The following SLC24A2 variants were observed in gnomAD, a reference collection of about 807,000 sequenced individuals.
The protein encoded by SLC24A2 is solute carrier family 24 member 2, also known as sodium/potassium/calcium exchanger 2.
SLC24A2 carries 36 observed loss-of-function variants against 62.0 expected under a neutral mutation model. The observed-to-expected ratio is 0.58, with a 90% CI of 0.44 to 0.77. The LOEUF is 0.77. SLC24A2 is among the 30% of genes least tolerant of loss of function. The pLI is 0.00. For synonymous variants in SLC24A2, 358 were observed against 294.0 expected (o/e 1.22, Z -2.23); for missense variants, 846 against 817.9 (o/e 1.03, Z -0.42).
the SLC24A2 span, among the ~76,000 whole-genome samples, chr9:20,067,600 A>G: frequency 1.1e-4 from 17 of 151,918 alleles, no homozygotes; most frequent in African/African-American, 3.6e-4. Flanking sequence ...GGTGTACTCA[A>G]TGTTTAGCTC....
intron 2 of SLC24A2, among the ~76,000 whole-genome samples, chr9:19,740,404 A>G (rs1264461627): frequency 1.3e-5 from 2 of 152,250 alleles, no homozygotes; most frequent in Admixed American, 6.5e-5. Flanking sequence ...CAATAAAAAT[A>G]AAACTATGGC....
At chr9:20,199,429 G>A in the SLC24A2 span, among the ~76,000 whole-genome samples, 1 of 152,200 alleles carries the variant, frequency 6.6e-6, no homozygotes, top group Non-Finnish European at 1.5e-5. Flanking sequence ...AATAATATCA[G>A]ATGGACTTTG....
chr9:19,677,456 G>A (rs1034252810), intron 2 of SLC24A2, among the ~76,000 whole-genome samples: 5 of 152,272 alleles, frequency 3.3e-5, no homozygotes, highest in Admixed American at 2.0e-4. Context: ...AGGAGGTAGA[G>A]TATTAGGAAA....
the SLC24A2 span, among the ~76,000 whole-genome samples, chr9:19,879,889 C>G: frequency 2.0e-5 from 3 of 152,230 alleles, no homozygotes; most frequent in African/African-American, 4.8e-5. Flanking sequence ...TTGATCCCCT[C>G]ATTTTTAAAT....
chr9:20,227,535 TA>T, the SLC24A2 span, among the ~76,000 whole-genome samples: 26,306 of 124,526 alleles, frequency 0.21, 2,463 homozygotes, highest in Non-Finnish European at 0.24. Flanking sequence ...CACACATTTC[TA>T]AAAAAAAAAA....
Position 19,780,425 on chromosome 9 carries a change from G to A in SLC24A2, c.930+5512C>T, listed in dbSNP as rs1822978938. On this transcript the variant is annotated intron_variant, in intron 2 of 10. Coordinates refer to ENST00000341998, the MANE Select transcript of SLC24A2 (RefSeq NM_020344.4). ...TGGGATTACAGGCGCCTGCCACTGC[G>A]CCCAGCTAATTTTTGTATCTTTAGT... 1.3e-5 allele frequency among the ~76,000 whole-genome samples: 2 copies of A among 151,178 alleles called. 1 individual carries two copies. Among genetic ancestry groups the A allele is most frequent in the South Asian group, 4.2e-4 (2 of 4,732 alleles).
At chr9:19,908,532 A>G in the SLC24A2 span, among the ~76,000 whole-genome samples, 1 of 152,186 alleles carries the variant, frequency 6.6e-6, no homozygotes, top group East Asian at 1.9e-4. Context: ...AGAAACCACC[A>G]TCAGAGTGAA....
the SLC24A2 span, among the ~76,000 whole-genome samples, chr9:19,903,577 G>C: frequency 6.6e-6 from 1 of 152,210 alleles, no homozygotes; most frequent in African/African-American, 2.4e-5. Flanking sequence ...ACTCAGGTAG[G>C]CTGCAGCAAG....
the SLC24A2 span, among the ~76,000 whole-genome samples, chr9:20,028,454 A>C: frequency 0.67 from 101,269 of 152,046 alleles, 34,558 homozygotes; most frequent in East Asian, 0.95. Context: ...AACACCTCCT[A>C]AATTTCCATC....
At chr9:20,004,630 T>G in the SLC24A2 span, among the ~76,000 whole-genome samples, 1 of 152,352 alleles carries the variant, frequency 6.6e-6, no homozygotes, top group South Asian at 2.1e-4. Context: ...ATATTTAAAT[T>G]TGTTGAGCTG....
At position 19,528,433 on chromosome 9, in the gene SLC24A2, G is replaced by C. The variant is rs374662628; in HGVS notation, c.1480-295C>G. 1.8e-4 allele frequency among the ~76,000 whole-genome samples: 27 copies of C among 152,234 alleles called. No individual in the cohort carries two copies. The South Asian group carries it at 4.4e-3, about 25-fold the overall frequency. ...AGATGTTTAGATTCCCTCTGCTCTT[G>C]TCCTTTCTAAGGCCTGGTTTTTTGG... On this transcript the variant is annotated intron_variant, in intron 8 of 10. Coordinates refer to ENST00000341998, the MANE Select transcript of SLC24A2 (RefSeq NM_020344.4).
chr9:19,752,738 T>C (rs1822022994), intron 2 of SLC24A2, among the ~76,000 whole-genome samples: 1 of 152,156 alleles, frequency 6.6e-6, no homozygotes, highest in Admixed American at 6.5e-5. Context: ...CTATGTGTAC[T>C]CAATTCATTA....
the SLC24A2 span, among the ~76,000 whole-genome samples, chr9:19,978,236 T>C: frequency 6.6e-6 from 1 of 152,232 alleles, no homozygotes; most frequent in African/African-American, 2.4e-5. Context: ...TATAATATTA[T>C]GTTATCACCT....
chr9:19,532,205 C>G (rs971266733), intron 8 of SLC24A2, among the ~76,000 whole-genome samples: 4 of 152,158 alleles, frequency 2.6e-5, no homozygotes, highest in African/African-American at 4.8e-5. Flanking sequence ...ACCTCAGCCT[C>G]CTGAGGTAGG....
At chr9:19,720,580 T>C (rs754728981) in intron 2 of SLC24A2, among the ~76,000 whole-genome samples, 109 of 152,164 alleles carry the variant, frequency 7.2e-4, no homozygotes, top group Admixed American at 5.9e-4. Context: ...AGAAGAAAGC[T>C]GTAGCTGTCC....
the SLC24A2 span, among the ~76,000 whole-genome samples, chr9:20,087,816 A>C: frequency 6.6e-6 from 1 of 152,184 alleles, no homozygotes; most frequent in Non-Finnish European, 1.5e-5. Flanking sequence ...TCATCAAGAA[A>C]ACAACCCAAC....
chr9:20,173,883 C>T, the SLC24A2 span, among the ~76,000 whole-genome samples: 1 of 152,028 alleles, frequency 6.6e-6, no homozygotes, highest in South Asian at 2.1e-4. Flanking sequence ...AAAGAACCCA[C>T]AAAGCCCAAG....
chr9:19,663,251 G>A (rs949341494), intron 2 of SLC24A2, among the ~76,000 whole-genome samples: 2 of 152,220 alleles, frequency 1.3e-5, no homozygotes, highest in Non-Finnish European at 2.9e-5. Context: ...GCTAGTGAGT[G>A]CCATGAGAGG....
At position 19,550,150 on chromosome 9, in the gene SLC24A2, T is replaced by A. The variant is rs1248105844; in HGVS notation, c.1466A>T (p.Asp489Val). The A allele has an allele frequency of 1.2e-6, 2 of 1,613,912 alleles. No homozygotes were observed. Among genetic ancestry groups the A allele is most frequent in the Admixed American group, 1.7e-5 (1 of 59,994 alleles). The stretch of plus-strand genomic sequence containing the variant: ...TGCTTTACTTACAGGTTTGCGAACG[T>A]CAGGTAACGTAATCCAGAGAGGAAA... ...IVFPLWITLP[D>V]VRKPSSRKFF... The change falls in exon 8 of 11, where the codon GAC (aspartate) becomes GTC (valine). Residue 489 changes from aspartate to valine, a missense_variant. Physicochemically the swap from Asp to Val is radical, Grantham distance 152 (BLOSUM62 -3). Transcript: ENST00000341998.
Sources: gnomAD v4.1 joint callset for allele counts (sites outside exome capture counted in the v4.1 genomes callset) on GRCh38, gnomAD v4.1.1 for gene constraint, MANE v1.5 for transcripts, NCBI Gene and HGNC (gene_info 2026-07-23, HGNC 2026-07-21) for gene names.